The following NWD2 variants were observed in gnomAD, a reference collection of about 807,000 sequenced individuals.
NWD2 encodes the protein NACHT and WD repeat domain-containing protein 2.
Under a neutral mutation model 132.7 loss-of-function variants are expected in NWD2, and 37 were observed. The observed-to-expected ratio is 0.28, with a 90% confidence interval of 0.21 to 0.37. The LOEUF (loss-of-function observed/expected upper bound fraction) is 0.37, where lower values mean the gene tolerates loss of function less well. NWD2 is among the 10% of genes least tolerant of loss of function. NWD2 has a pLI of 1.00. For missense variants in NWD2, 1,592 were observed against 2,122.4 expected (o/e 0.75, Z 4.91); for synonymous variants, 705 against 803.0 (o/e 0.88, Z 2.06).
chr4:37,420,224 TTGAG>T (rs1711765657), intron 3 of NWD2, among the ~76,000 whole-genome samples: 2 of 152,246 alleles, frequency 1.3e-5, no homozygotes, highest in Admixed American at 6.5e-5. Context: ...TATAAATGTC[TTGAG>T]TATTATTCTC....
At chr4:37,437,474 T>C (rs985133831) in intron 5 of NWD2, among the ~76,000 whole-genome samples, 37 of 152,208 alleles carry the variant, frequency 2.4e-4, no homozygotes, top group Non-Finnish European at 8.8e-5. Context: ...TATAAATTTC[T>C]GGGAGACACA....
At position 37,430,556 on chromosome 4, in the gene NWD2, T is replaced by C; in HGVS notation, c.358-16T>C. ...CTTGGTGATACACTAAATTGAACTTTCTTGTTGATACACAGGGACTATTAG... is the reference window on the plus strand; with the variant it reads ...CTTGGTGATACACTAAATTGAACTTCCTTGTTGATACACAGGGACTATTAG... On this transcript the variant is annotated splice_polypyrimidine_tract_variant and intron_variant, in intron 3 of 6. Coordinates refer to ENST00000309447, the MANE Select transcript of NWD2 (RefSeq NM_001144990.2). The C allele has an allele frequency of 1.3e-6, 2 of 1,543,490 alleles. No homozygotes were observed. The highest frequency in any genetic ancestry group is 1.8e-6 in the Non-Finnish European group (2 of 1,139,736).
rs192636552 is a variant in NWD2 at position 37,404,484 on chromosome 4, A to G, written c.358-26088A>G. Among the ~76,000 whole-genome samples, 20 of 152,068 alleles carry G rather than the reference A, an allele frequency of 1.3e-4. No individual in the cohort carries two copies. In the East Asian group the frequency reaches 3.3e-3, roughly 25 times the overall value. On this transcript the variant is annotated intron_variant, in intron 3 of 6. Transcript: ENST00000309447. ...TTGCTTTCTTCTCCATCCACAGTCA[A>G]CCTTCTGATTAGTTCCATCTTCTCT...
chr4:37,323,487 G>A (rs1311559094), intron 1 of NWD2, among the ~76,000 whole-genome samples: 2 of 152,036 alleles, frequency 1.3e-5, no homozygotes, highest in African/African-American at 4.8e-5. Flanking sequence ...AAACCACAAT[G>A]AGATACATTC....
intron 1 of NWD2, among the ~76,000 whole-genome samples, chr4:37,262,637 T>C (rs1717664481): frequency 6.6e-6 from 1 of 152,158 alleles, no homozygotes; most frequent in Non-Finnish European, 1.5e-5. Context: ...GAACCTAAGC[T>C]GATCTTCCCA....
At chr4:37,285,374 TA>T (rs1718210469) in intron 1 of NWD2, among the ~76,000 whole-genome samples, 1 of 152,150 alleles carries the variant, frequency 6.6e-6, no homozygotes, top group Non-Finnish European at 1.5e-5. Flanking sequence ...AATATATTTG[TA>T]AATAATTATT....
chr4:37,249,991 C>T (rs1262238808), intron 1 of NWD2, among the ~76,000 whole-genome samples: 1 of 152,194 alleles, frequency 6.6e-6, no homozygotes, highest in African/African-American at 2.4e-5. Flanking sequence ...TGCTTCCCCA[C>T]ACAAAAGGCA....
rs149562721 is a variant in NWD2 at position 37,390,981 on chromosome 4, A to G, written c.357+34499A>G. Among the ~76,000 whole-genome samples the G allele has an allele frequency of 3.4e-3, 524 of 152,308 alleles. 1 individual carries two copies. Among genetic ancestry groups the G allele is most frequent in the Middle Eastern group, 0.02 (6 of 294 alleles). On this transcript the variant is annotated intron_variant, in intron 3 of 6. Transcript: ENST00000309447. ...TGCAGAATTTATCTGTTAAGTGTTC[A>G]TTTAGAGTTCATTAAAATTAGATTC...
chr4:37,394,709 G>A (rs12509354), intron 3 of NWD2, among the ~76,000 whole-genome samples: 37,734 of 148,906 alleles, frequency 0.25, 5,386 homozygotes, highest in Admixed American at 0.33. Context: ...ACGTATCCAC[G>A]TATATAGGAA....
chr4:37,361,930 A>T (rs1257100066), intron 3 of NWD2, among the ~76,000 whole-genome samples: 1 of 152,070 alleles, frequency 6.6e-6, no homozygotes, highest in African/African-American at 2.4e-5. Context: ...AATCATAAAG[A>T]CTCTTCCAAA....
chr4:37,434,131 T>C, intron 5 of NWD2, 111 bp downstream of exon 5: 2 of 629,646 alleles, frequency 3.2e-6, no homozygotes. Flanking sequence ...TGGTGAAATT[T>C]AATTTTTCTA....
intron 1 of NWD2, among the ~76,000 whole-genome samples, chr4:37,281,036 T>G (rs940959475): frequency 1.3e-5 from 2 of 151,254 alleles, no homozygotes; most frequent in Non-Finnish European, 2.9e-5. Context: ...GTAGAGAGGG[T>G]GGGGAGTGGG....
intron 2 of NWD2, among the ~76,000 whole-genome samples, chr4:37,339,987 A>G (rs1335914813): frequency 6.7e-6 from 1 of 149,886 alleles, no homozygotes; most frequent in African/African-American, 2.4e-5. Context: ...ATAATGGCCA[A>G]TTTCTTTCCG....
chr4:37,320,220 A>G (rs1319604935), intron 1 of NWD2, among the ~76,000 whole-genome samples: 1 of 152,138 alleles, frequency 6.6e-6, no homozygotes, highest in African/African-American at 2.4e-5. Flanking sequence ...CATGGAAAGC[A>G]GTTTGTGTGA....
chr4:37,352,473 C>A (rs1007078715), intron 2 of NWD2, among the ~76,000 whole-genome samples: 5 of 152,064 alleles, frequency 3.3e-5, no homozygotes, highest in Non-Finnish European at 7.4e-5. Flanking sequence ...GTTGAAGTCT[C>A]CTGCTATTAT....
At chr4:37,359,599 GA>G (rs35375267) in intron 3 of NWD2, among the ~76,000 whole-genome samples, 44,327 of 145,980 alleles carry the variant, frequency 0.3, 7,544 homozygotes, top group Middle Eastern at 0.46. Context: ...ACTGCTGAAT[GA>G]AAAAAAAAAA....
chr4:37,427,451 G>A (rs1439841924), intron 3 of NWD2, among the ~76,000 whole-genome samples: 2 of 152,164 alleles, frequency 1.3e-5, no homozygotes, highest in African/African-American at 4.8e-5. Flanking sequence ...ATTAGAAGTT[G>A]GGAAACAACT....
At chr4:37,416,481 G>C (rs1372827946) in intron 3 of NWD2, among the ~76,000 whole-genome samples, 1 of 152,038 alleles carries the variant, frequency 6.6e-6, no homozygotes, top group African/African-American at 2.4e-5. Flanking sequence ...GTGGTGAAAA[G>C]GGAACACTTT....
intron 1 of NWD2, among the ~76,000 whole-genome samples, chr4:37,306,916 C>T (rs892604175): frequency 1.3e-4 from 19 of 151,746 alleles, no homozygotes; most frequent in African/African-American, 4.1e-4. Flanking sequence ...CACAGCTACT[C>T]GGAAGGCTGA....
Sources: gnomAD v4.1 joint callset for allele counts (sites outside exome capture counted in the v4.1 genomes callset) on GRCh38, gnomAD v4.1.1 for gene constraint, MANE v1.5 for transcripts, NCBI Gene and HGNC (gene_info 2026-07-23, HGNC 2026-07-21) for gene names.